EXT1: variants seen among roughly 807,000 people sequenced by gnomAD.
EXT1 encodes the protein exostosin-1.
In EXT1, 20 loss-of-function variants were observed where a neutral mutation model predicts 82.5. The ratio of observed to expected loss-of-function variants is 0.24; its 90% CI spans 0.17 to 0.35. EXT1 has a LOEUF of 0.35. EXT1 is among the 10% of genes least tolerant of loss of function. The pLI is 1.00. For missense variants in EXT1, 757 were observed against 936.5 expected, an observed-to-expected ratio of 0.81 and a Z score of 2.50; for synonymous variants, 348 against 350.8, an observed-to-expected ratio of 0.99 and a Z score of 0.09.
At chr8:118,103,564 A>G (rs1038815537) in intron 1 of EXT1, among the ~76,000 whole-genome samples, 7 of 152,046 alleles carry the variant, frequency 4.6e-5, no homozygotes, top group African/African-American at 1.7e-4. Context: ...TAGGCCTTTC[A>G]TTTCTATTCT....
At chr8:117,846,191 T>C (rs938627719) in intron 1 of EXT1, among the ~76,000 whole-genome samples, 2 of 152,144 alleles carry the variant, frequency 1.3e-5, no homozygotes, top group East Asian at 1.9e-4. Context: ...CACTAAAACC[T>C]CTGCCTCCTG....
intron 1 of EXT1, among the ~76,000 whole-genome samples, chr8:117,862,787 T>C (rs1442711950): frequency 6.9e-6 from 1 of 145,246 alleles, no homozygotes; most frequent in East Asian, 1.9e-4. Flanking sequence ...TCAGTAAAGA[T>C]GGGGTGCTCA....
At position 117,939,331 on chromosome 8, in the gene EXT1, C is replaced by T. The variant is rs964354677; in HGVS notation, c.963-102130G>A. The stretch of plus-strand genomic sequence containing the variant: ...CAGTGGCTCATGCCAGCACTTTGGG[C>T]GGACAAGGCAGGTGGGTCACCTGAG... On this transcript the variant is annotated intron_variant, in intron 1 of 10. Transcript: ENST00000378204. Among the ~76,000 whole-genome samples the T allele has an allele frequency of 1.5e-4, 23 of 152,006 alleles. 1 individual carries two copies. The highest frequency in any genetic ancestry group is 5.9e-4 in the Admixed American group (9 of 15,260).
At chr8:117,919,718 T>C (rs1813820622) in intron 1 of EXT1, among the ~76,000 whole-genome samples, 1 of 152,078 alleles carries the variant, frequency 6.6e-6, no homozygotes, top group Non-Finnish European at 1.5e-5. Flanking sequence ...TTGTCCAAGC[T>C]GGTCTTAACT....
chr8:117,867,260 G>GAAAAAAAAAAAA lies in EXT1; in HGVS notation c.963-30071_963-30060dup, dbSNP rs372575361. Among the ~76,000 whole-genome samples the GAAAAAAAAAAAA allele has an allele frequency of 4.6e-4, 45 of 98,816 alleles. 3 individuals carry two copies. Among genetic ancestry groups the GAAAAAAAAAAAA allele is most frequent in the African/African-American group, 6.5e-4 (16 of 24,750 alleles). 64.8% of individuals were successfully genotyped at this position (98,816 alleles called of 152,430 possible). A position where few individuals can be genotyped will look rare whatever the true frequency, so the allele number is the denominator to read the frequency against. On this transcript the variant is annotated intron_variant, in intron 1 of 10. Transcript: ENST00000378204. The stretch of plus-strand genomic sequence containing the variant: ...GGCGACAGAGTGAGACTCCACCTCA[G>GAAAAAAAAAAAA]AAAAAAAAAAAAAGCTTGAGGAAAT...
chr8:118,085,808 T>C (rs532076696), intron 1 of EXT1, among the ~76,000 whole-genome samples: 1 of 152,294 alleles, frequency 6.6e-6, no homozygotes, highest in East Asian at 1.9e-4. Flanking sequence ...TAATCCACTC[T>C]GCATTTTCAC....
chr8:117,903,903 TTA>T (rs1211950347), intron 1 of EXT1, among the ~76,000 whole-genome samples: 2 of 152,238 alleles, frequency 1.3e-5, no homozygotes, highest in Admixed American at 6.5e-5. Context: ...AGTCAAATTC[TTA>T]GATGCACTTC....
At chr8:117,822,046 G>A (rs1304326038) in intron 5 of EXT1, among the ~76,000 whole-genome samples, 3 of 152,010 alleles carry the variant, frequency 2.0e-5, no homozygotes, top group Non-Finnish European at 2.9e-5. Context: ...CACATTCTTA[G>A]TTATTTCTCC....
intron 7 of EXT1, among the ~76,000 whole-genome samples, chr8:117,817,043 A>G (rs761476656): frequency 8.5e-5 from 13 of 152,094 alleles, no homozygotes; most frequent in Non-Finnish European, 1.9e-4. Flanking sequence ...GGTGAGATTG[A>G]TTTGTGAGAG....
intron 9 of EXT1, 122 bp from the exon 10 acceptor site, chr8:117,805,015 AATG>A: frequency 2.2e-4 from 184 of 842,318 alleles, no homozygotes; most frequent in Non-Finnish European, 2.9e-4. Context: ...TGGTAATGAT[AATG>A]ATGATGATGA....
intron 1 of EXT1, among the ~76,000 whole-genome samples, chr8:117,880,717 A>C (rs2129918238): frequency 6.6e-6 from 1 of 151,796 alleles, no homozygotes; most frequent in Non-Finnish European, 1.5e-5. Flanking sequence ...CAGCCTCCCG[A>C]GTAGGTGGGA....
At chr8:117,955,986 T>C (rs1159841587) in intron 1 of EXT1, among the ~76,000 whole-genome samples, 1 of 152,132 alleles carries the variant, frequency 6.6e-6, no homozygotes, top group African/African-American at 2.4e-5. Context: ...CAATAAACAA[T>C]ACTCAAAAAG....
intron 1 of EXT1, among the ~76,000 whole-genome samples, chr8:117,910,814 G>A (rs559262705): frequency 1.3e-5 from 2 of 152,330 alleles, no homozygotes; most frequent in African/African-American, 4.8e-5. Flanking sequence ...GGATCCGCAT[G>A]ATCCTGAACT....
chr8:118,046,397 G>A (rs1816623926), intron 1 of EXT1, among the ~76,000 whole-genome samples: 1 of 152,088 alleles, frequency 6.6e-6, no homozygotes. Context: ...GCCCGGTGGT[G>A]TGCACTCCAC....
At chr8:117,975,486 C>CTA (rs1394061801) in intron 1 of EXT1, among the ~76,000 whole-genome samples, 1 of 152,086 alleles carries the variant, frequency 6.6e-6, no homozygotes, top group Non-Finnish European at 1.5e-5. Flanking sequence ...CACCCTCACT[C>CTA]TATCTCCCCA....
intron 1 of EXT1, among the ~76,000 whole-genome samples, chr8:118,059,058 G>A (rs1277452750): frequency 6.6e-6 from 1 of 152,212 alleles, no homozygotes; most frequent in African/African-American, 2.4e-5. Context: ...TAATGTGCAT[G>A]TAAATTGCTG....
chr8:117,924,586 G>A (rs958382), intron 1 of EXT1, among the ~76,000 whole-genome samples: 5,068 of 152,194 alleles, frequency 0.033, 99 homozygotes, highest in South Asian at 0.053. Context: ...ATCATCGTGC[G>A]ACTTCAGAGA....
chr8:117,799,692 C>G lies in EXT1; in HGVS notation c.*20G>C. On this transcript the variant is annotated 3_prime_UTR_variant, in exon 11 of 11. Transcript: ENST00000378204. ...ACCCCCATCCCTTCTTGCTTCCCCT[C>G]CCCCACTCAGCCGGATTCCTCAAAG... 1 of 1,613,734 alleles carries G rather than the reference C, an allele frequency of 6.2e-7. No homozygotes were observed. The highest frequency in any genetic ancestry group is 1.3e-5 in the African/African-American group (1 of 74,954).
At chr8:117,921,322 C>T (rs761784468) in intron 1 of EXT1, among the ~76,000 whole-genome samples, 11 of 152,170 alleles carry the variant, frequency 7.2e-5, no homozygotes, top group Non-Finnish European at 1.3e-4. Context: ...TCTCATGAGG[C>T]CTCTAGGAGA....
Sources: allele counts gnomAD v4.1 joint callset (sites outside exome capture counted in the v4.1 genomes callset), GRCh38; gene constraint gnomAD v4.1.1; transcripts MANE v1.5; gene names NCBI Gene and HGNC (gene_info 2026-07-23, HGNC 2026-07-21).